VSTM4: variants seen among roughly 807,000 people sequenced by gnomAD.
VSTM4 encodes V-set and transmembrane domain containing 4.
A neutral mutation model predicts 36.4 loss-of-function variants in VSTM4; 20 were observed. The observed-to-expected ratio is 0.55, with a 90% CI of 0.39 to 0.80. The LOEUF (loss-of-function observed/expected upper bound fraction) is 0.80, where lower values mean the gene tolerates loss of function less well. Ranked by LOEUF, VSTM4 falls within the 30% of genes least tolerant of loss-of-function variation. The pLI, the probability that VSTM4 is intolerant of heterozygous loss-of-function variation, is 0.00. For synonymous variants in VSTM4, 182 were observed against 173.9 expected (o/e 1.05, Z -0.37); for missense variants, 392 against 404.5 (o/e 0.97, Z 0.26).
Position 49,107,727 on chromosome 10 carries a change from C to A in VSTM4, c.324G>T (p.Ala108=), listed in dbSNP as rs200781814. 6.2e-7 allele frequency: 1 copy of A among 1,614,192 alleles called. No individual in the cohort carries two copies. The highest frequency in any genetic ancestry group is 1.1e-5 in the South Asian group (1 of 91,090). Residue 108 remains alanine (A), a synonymous_variant, in exon 2 of 8, where the codon GCG becomes GCT. Transcript: ENST00000332853. ...GTGTCAAGACGGAGAGCCTGTAGAG[C>A]GCCCCCCGCTGCTCCTCCAGCAGGC... ...RLRLLEEQRG[A]LYRLSVLTLQ...
At chr10:49,065,769 C>T (rs1734095503) in intron 4 of VSTM4, among the ~76,000 whole-genome samples, 2 of 152,166 alleles carry the variant, frequency 1.3e-5, no homozygotes, top group African/African-American at 2.4e-5. Flanking sequence ...GAATTGAGAG[C>T]AGATAATAGT....
rs1843147664 is a variant in VSTM4, at chr10:49,019,469, C to T, written c.*181G>A. On this transcript the variant is annotated 3_prime_UTR_variant, in exon 8 of 8. Coordinates refer to ENST00000332853, the MANE Select transcript of VSTM4 (RefSeq NM_001031746.5). Reference sequence around the variant, plus strand: ...GGGAGATCTGTCAAGAGCTGTGGCCCCGATTCTTTTGGGGAGAGCAGGCTT... The same window carrying T: ...GGGAGATCTGTCAAGAGCTGTGGCCTCGATTCTTTTGGGGAGAGCAGGCTT... The T allele has an allele frequency of 2.7e-6, 2 of 731,274 alleles. No homozygotes were observed. The highest frequency in any genetic ancestry group is 4.4e-4 in the Middle Eastern group (1 of 2,266). 45.3% of individuals were successfully genotyped at this position (731,274 alleles called of 1,614,324 possible).
At chr10:49,090,494 G>A (rs12774117) in intron 2 of VSTM4, among the ~76,000 whole-genome samples, 14,624 of 152,220 alleles carry the variant, frequency 0.096, 940 homozygotes, top group East Asian at 0.21. Flanking sequence ...ATAGGGTCCT[G>A]ATGGTGGACT....
intron 7 of VSTM4, among the ~76,000 whole-genome samples, chr10:49,030,724 G>A (rs1590070420): frequency 6.6e-6 from 1 of 152,232 alleles, no homozygotes; most frequent in Non-Finnish European, 1.5e-5. Flanking sequence ...TGACATGACA[G>A]AAAGTCACCA....
intron 6 of VSTM4, among the ~76,000 whole-genome samples, chr10:49,047,913 C>G (rs1052831385): frequency 6.6e-6 from 1 of 152,214 alleles, no homozygotes. Flanking sequence ...ATTTTAGGAA[C>G]TATCTATAGT....
At chr10:49,035,782 G>C (rs976929382) in intron 7 of VSTM4, among the ~76,000 whole-genome samples, 1 of 151,918 alleles carries the variant, frequency 6.6e-6, no homozygotes, top group African/African-American at 2.4e-5. Context: ...AGGCTATAGT[G>C]AGCTACGGTT....
At chr10:49,074,287 T>C (rs1160229825) in intron 4 of VSTM4, among the ~76,000 whole-genome samples, 1 of 152,242 alleles carries the variant, frequency 6.6e-6, no homozygotes, top group East Asian at 1.9e-4. Flanking sequence ...ATAGCTCATC[T>C]ATGAATTTCA....
intron 3 of VSTM4, among the ~76,000 whole-genome samples, chr10:49,078,449 T>C (rs1312118094): frequency 6.7e-6 from 1 of 149,048 alleles, no homozygotes; most frequent in Non-Finnish European, 1.5e-5. Flanking sequence ...CACCACAGCA[T>C]CCTCAGAAAT....
At chr10:49,103,712 C>T in intron 2 of VSTM4, 2 of 1,609,660 alleles carry the variant, frequency 1.2e-6, no homozygotes, top group Non-Finnish European at 1.7e-6. Flanking sequence ...CTGGGAGTTT[C>T]CAGTGAAAGA....
chr10:49,050,909 A>G (rs891217930), intron 5 of VSTM4, among the ~76,000 whole-genome samples: 1 of 152,114 alleles, frequency 6.6e-6, no homozygotes, highest in African/African-American at 2.4e-5. Context: ...TTTTTTAGAG[A>G]AGTTTTACAT....
chr10:49,070,252 C>CAA (rs780515012), intron 4 of VSTM4, among the ~76,000 whole-genome samples: 319 of 21,684 alleles, frequency 0.015, 92 homozygotes, highest in African/African-American at 0.073. Flanking sequence ...GACTCCGTCT[C>CAA]AAAAAAAAAA....
intron 4 of VSTM4, among the ~76,000 whole-genome samples, chr10:49,068,588 T>A (rs1844016798): frequency 6.6e-6 from 1 of 152,170 alleles, no homozygotes; most frequent in African/African-American, 2.4e-5. Context: ...AAAGATGAGG[T>A]TTACAGGCAC....
In VSTM4 at chr10:49,017,171, G is replaced by A. The variant is rs914197076; in HGVS notation, c.*2479C>T. 6.6e-6 allele frequency: 1 copy of A among 152,192 alleles called. No individual in the cohort carries two copies. The highest frequency in any genetic ancestry group is 2.4e-5 in the African/African-American group (1 of 41,452). 9.4% of individuals were successfully genotyped at this position (152,192 alleles called of 1,614,324 possible). ...GACAATGCATGATTAGTGGTCCATG[G>A]ACAAAGAATGAATGAGTGGGCACAT... On this transcript the variant is annotated 3_prime_UTR_variant, in exon 8 of 8. Coordinates refer to ENST00000332853, the MANE Select transcript of VSTM4 (RefSeq NM_001031746.5).
At chr10:49,083,413 A>G (rs1021996605) in intron 3 of VSTM4, among the ~76,000 whole-genome samples, 2 of 152,218 alleles carry the variant, frequency 1.3e-5, no homozygotes, top group Admixed American at 6.5e-5. Context: ...CAGGAACAAA[A>G]GGGCAAAAGG....
In VSTM4 at chr10:49,018,142, C is replaced by T. The variant is rs534117441; in HGVS notation, c.*1508G>A. On this transcript the variant is annotated 3_prime_UTR_variant, in exon 8 of 8. Coordinates refer to ENST00000332853, the MANE Select transcript of VSTM4 (RefSeq NM_001031746.5). ...CTCTCATGAGTCTTTGGGAACATTA[C>T]TGTAGGGCTAAGTTGGTGGACAAAT... The T allele has an allele frequency of 6.6e-6, 1 of 152,314 alleles. No homozygotes were observed. Among genetic ancestry groups the T allele is most frequent in the South Asian group, 2.1e-4 (1 of 4,820 alleles). The allele number at this position is 152,314 out of a possible 1,614,324, so 9.4% of individuals were successfully genotyped here. A position where few individuals can be genotyped will look rare whatever the true frequency, so the allele number is the denominator to read the frequency against.
chr10:49,052,782 C>A (rs1330233785), intron 5 of VSTM4, among the ~76,000 whole-genome samples: 3 of 152,116 alleles, frequency 2.0e-5, no homozygotes, highest in Non-Finnish European at 4.4e-5. Flanking sequence ...TCTGGAACAT[C>A]ATTTTTGTGC....
At chr10:49,114,845 C>A (rs974828241) in intron 1 of VSTM4, among the ~76,000 whole-genome samples, 5 of 152,118 alleles carry the variant, frequency 3.3e-5, no homozygotes, top group African/African-American at 1.2e-4. Flanking sequence ...TAGTGTGGAC[C>A]AAGAAGTTGT....
chr10:49,050,337 A>ATG (rs779839056), intron 5 of VSTM4, among the ~76,000 whole-genome samples: 114 of 152,244 alleles, frequency 7.5e-4, no homozygotes, highest in Non-Finnish European at 2.8e-4. Context: ...AACTAAACAG[A>ATG]TGTGAGACAG....
chr10:49,097,287 G>A (rs967003224), intron 2 of VSTM4, among the ~76,000 whole-genome samples: 1 of 152,152 alleles, frequency 6.6e-6, no homozygotes, highest in Non-Finnish European at 1.5e-5. Flanking sequence ...CATGCCCACC[G>A]GGGGCCTCCT....
Sources: gnomAD v4.1 joint callset for allele counts (sites outside exome capture counted in the v4.1 genomes callset) on GRCh38, gnomAD v4.1.1 for gene constraint, MANE v1.5 for transcripts, NCBI Gene and HGNC (gene_info 2026-07-23, HGNC 2026-07-21) for gene names.